The following CORO7 variants were observed in gnomAD, a reference collection of about 807,000 sequenced individuals.
CORO7 encodes coronin-7.
In CORO7, 107 loss-of-function variants were observed where a neutral mutation model predicts 126.6. The ratio of observed to expected loss-of-function variants is 0.85; its 90% CI spans 0.72 to 0.99. The LOEUF (loss-of-function observed/expected upper bound fraction) is 0.99, where lower values mean the gene tolerates loss of function less well. Among genes scored for constraint, CORO7 ranks in the 50% least tolerant of loss-of-function variants. The pLI, the probability that CORO7 is intolerant of heterozygous loss-of-function variation, is 0.00. For synonymous variants in CORO7, 603 were observed against 536.8 expected (o/e 1.12, Z -1.70); for missense variants, 1,314 against 1,255.8 (o/e 1.05, Z -0.70).
At chr16:4,404,977 C>T (rs1333105144) in intron 6 of CORO7, among the ~76,000 whole-genome samples, 4 of 152,336 alleles carry the variant, frequency 2.6e-5, no homozygotes, top group Middle Eastern at 3.4e-3. Flanking sequence ...CACCCGCCTG[C>T]CCCGCACCTG....
chr16:4,362,809 C>G lies in CORO7; in HGVS notation c.1276-71G>C. The G allele has an allele frequency of 7.8e-7, 1 of 1,274,144 alleles. No homozygotes were observed. Among genetic ancestry groups the G allele is most frequent in the South Asian group, 2.7e-5 (1 of 37,654 alleles). 78.9% of individuals were successfully genotyped at this position (1,274,144 alleles called of 1,614,324 possible). A position where few individuals can be genotyped will look rare whatever the true frequency, so the allele number is the denominator to read the frequency against. On this transcript the variant is annotated intron_variant, in intron 14 of 27. Coordinates refer to ENST00000251166, the MANE Select transcript of CORO7 (RefSeq NM_024535.5). The surrounding 1 kb of genome is among the most constrained non-coding windows in gnomAD (Gnocchi z 5.3). ...GCCAAAAGGAGGGGGTGCCAGCGGA[C>G]TCCAGGGTCACCACTCTGGGCCCCC...
intron 9 of CORO7, among the ~76,000 whole-genome samples, chr16:4,372,457 G>A (rs997065389): frequency 1.3e-5 from 2 of 152,352 alleles, no homozygotes; most frequent in Admixed American, 1.3e-4. Context: ...GCACAGCTGG[G>A]GGCTACAGAT....
chr16:4,405,644 G>A (rs2055971169), intron 5 of CORO7, 77 bp from the exon 6 acceptor site: 5 of 1,534,080 alleles, frequency 3.3e-6, no homozygotes, highest in Non-Finnish European at 4.4e-6. Context: ...CCTTGCTGGG[G>A]GGAACTCCCA....
intron 9 of CORO7, among the ~76,000 whole-genome samples, chr16:4,367,307 CCT>C (rs1454469709): frequency 2.0e-5 from 3 of 152,176 alleles, no homozygotes; most frequent in Non-Finnish European, 4.4e-5. Context: ...CCTGGAGTGC[CCT>C]CCACACTGAC....
In CORO7 at chr16:4,361,911, G is replaced by A. The variant is rs190354690; in HGVS notation, c.1578+74C>T. On this transcript the variant is annotated intron_variant, in intron 16 of 27. Coordinates refer to ENST00000251166, the MANE Select transcript of CORO7 (RefSeq NM_024535.5). ...AGGTTTGTGCTCCCTGTGTTGTGTG[G>A]GTAGCTAAGGCCCTCCGCGTCTTTG... is the stretch of plus-strand genomic sequence containing the variant. The A allele has an allele frequency of 9.5e-4, 1,459 of 1,541,520 alleles. 31 individuals carry two copies. The Admixed American group carries it at 0.026, about 28-fold the overall frequency.
At chr16:4,410,154 T>C (rs1324969159) in intron 3 of CORO7, among the ~76,000 whole-genome samples, 6 of 152,280 alleles carry the variant, frequency 3.9e-5, no homozygotes, top group Admixed American at 1.3e-4. Context: ...GCCAGGTACA[T>C]TGGCTCATGC....
chr16:4,399,002 G>C (rs2055704932), intron 6 of CORO7, among the ~76,000 whole-genome samples: 1 of 152,062 alleles, frequency 6.6e-6, no homozygotes, highest in South Asian at 2.1e-4. Context: ...ACTGTTGGTG[G>C]GTACGTGAAG....
intron 9 of CORO7, among the ~76,000 whole-genome samples, chr16:4,387,349 A>G (rs2055228017): frequency 6.6e-6 from 1 of 152,114 alleles, no homozygotes; most frequent in Non-Finnish European, 1.5e-5. Context: ...GGCACTGCCA[A>G]AAGCCCTCTC....
chr16:4,364,101 G>A (rs562501559), intron 14 of CORO7, among the ~76,000 whole-genome samples, 175 bp downstream of exon 14: 85 of 151,988 alleles, frequency 5.6e-4, no homozygotes, highest in Non-Finnish European at 1.0e-3. Context: ...CAGGAGAATC[G>A]CTTGAACCTA....
chr16:4,365,118 G>A, intron 10 of CORO7, 58 bp from the exon 11 acceptor site: 1 of 1,553,770 alleles, frequency 6.4e-7, no homozygotes, highest in Non-Finnish European at 8.7e-7. Flanking sequence ...GAGGGCCCAG[G>A]ACTGGCATCA....
At chr16:4,388,484 C>T in intron 8 of CORO7, 61 bp downstream of exon 8, 1 of 1,568,498 alleles carries the variant, frequency 6.4e-7, no homozygotes, top group South Asian at 1.2e-5. Flanking sequence ...TCGTCCCCGC[C>T]CAAAGGGCTG....
chr16:4,357,322 C>T, intron 25 of CORO7, 63 bp from the exon 26 acceptor site: 4 of 1,461,782 alleles, frequency 2.7e-6, no homozygotes. Context: ...GGTGCCAAGC[C>T]CTCGGGGATT....
intron 9 of CORO7, chr16:4,382,514 G>A (rs1026669067): frequency 8.8e-6 from 14 of 1,592,854 alleles, no homozygotes; most frequent in Middle Eastern, 3.3e-4. Flanking sequence ...GTGCCGGAGG[G>A]CGAGGAGGCC....
intron 9 of CORO7, among the ~76,000 whole-genome samples, chr16:4,372,504 G>A (rs960075243): frequency 6.6e-6 from 1 of 152,186 alleles, no homozygotes; most frequent in Non-Finnish European, 1.5e-5. Flanking sequence ...TGGCTGGTGG[G>A]CGTCCGATGC....
intron 6 of CORO7, among the ~76,000 whole-genome samples, chr16:4,398,979 A>C (rs746726384): frequency 2.8e-4 from 42 of 152,282 alleles, no homozygotes; most frequent in Non-Finnish European, 5.4e-4. Context: ...AAAAAAAAAA[A>C]AAAACAAAAC....
chr16:4,389,677 G>A (rs78352298), intron 7 of CORO7, among the ~76,000 whole-genome samples: 1 of 152,192 alleles, frequency 6.6e-6, no homozygotes, highest in Non-Finnish European at 1.5e-5. Flanking sequence ...GAGAACCAAG[G>A]CCCCACTGCC....
At chr16:4,413,540 C>T (rs2141338344) in intron 1 of CORO7, 136 bp from the exon 2 acceptor site, 2 of 752,140 alleles carry the variant, frequency 2.7e-6, no homozygotes, top group East Asian at 3.1e-5. Flanking sequence ...CTTTTATTTA[C>T]TTTTTTTTTC....
chr16:4,408,067 G>T, intron 4 of CORO7, 114 bp downstream of exon 4: 1 of 1,484,536 alleles, frequency 6.7e-7, no homozygotes, highest in South Asian at 1.2e-5. Flanking sequence ...CCTGGGGAGT[G>T]GGGTGGGGCT....
chr16:4,391,907 C>A (rs1319545570), intron 7 of CORO7, among the ~76,000 whole-genome samples: 2 of 152,222 alleles, frequency 1.3e-5, no homozygotes, highest in Admixed American at 1.3e-4. Context: ...GGAGCAGTGT[C>A]AGCCCCGCAG....
Sources: allele counts gnomAD v4.1 joint callset (sites outside exome capture counted in the v4.1 genomes callset), GRCh38; gene constraint gnomAD v4.1.1; non-coding constraint Gnocchi (gnomAD v3.1); transcripts MANE v1.5; gene names NCBI Gene and HGNC (gene_info 2026-07-23, HGNC 2026-07-21).